ABHD17B: variants seen among roughly 807,000 people sequenced by gnomAD.
ABHD17B encodes the protein abhydrolase domain containing 17B, depalmitoylase.
In ABHD17B, 9 loss-of-function variants were observed where a neutral mutation model predicts 26.2. The observed-to-expected ratio is 0.34, with a 90% CI of 0.21 to 0.60. The LOEUF (loss-of-function observed/expected upper bound fraction) is 0.60. Among genes scored for constraint, ABHD17B ranks in the 20% least tolerant of loss-of-function variants. The probability of loss-of-function intolerance (pLI) is 0.80; values close to 1 mark genes in which losing one functional copy is unlikely to be tolerated. For synonymous variants in ABHD17B, 127 were observed against 122.3 expected, an observed-to-expected ratio of 1.04 and a Z score of -0.25; for missense variants, 224 against 352.1, an observed-to-expected ratio of 0.64 and a Z score of 2.91.
chr9:71,902,048 C>G (rs1175946919), intron 1 of ABHD17B, among the ~76,000 whole-genome samples: 2 of 152,156 alleles, frequency 1.3e-5, no homozygotes, highest in Non-Finnish European at 2.9e-5. Flanking sequence ...AAGAGAGGTT[C>G]TTTTCTGCTT....
At chr9:71,887,081 C>T (rs192110338) in intron 1 of ABHD17B, among the ~76,000 whole-genome samples, 2 of 151,696 alleles carry the variant, frequency 1.3e-5, no homozygotes, top group African/African-American at 2.4e-5. Context: ...ACTGAACAAA[C>T]GCCTTAATAA....
chr9:71,893,925 T>C (rs1421056992), intron 1 of ABHD17B, among the ~76,000 whole-genome samples: 1 of 151,642 alleles, frequency 6.6e-6, no homozygotes. Context: ...CTGTCTCTAA[T>C]AAAAATACAA....
chr9:71,893,549 A>G (rs890602012), intron 1 of ABHD17B, among the ~76,000 whole-genome samples: 3 of 152,242 alleles, frequency 2.0e-5, no homozygotes, highest in African/African-American at 7.2e-5. Context: ...CCATGTGCTC[A>G]GCCATCTGGA....
At chr9:71,908,921 C>T (rs1827363305) in intron 1 of ABHD17B, among the ~76,000 whole-genome samples, 1 of 152,144 alleles carries the variant, frequency 6.6e-6, no homozygotes, top group African/African-American at 2.4e-5. Flanking sequence ...TGTGGGATAG[C>T]GTGCCTGGAG....
chr9:71,867,977 T>G (rs944522246), intron 3 of ABHD17B, among the ~76,000 whole-genome samples: 6 of 146,958 alleles, frequency 4.1e-5, no homozygotes, highest in Non-Finnish European at 8.9e-5. Context: ...GAGGCCGTAG[T>G]GGGTGGATCA....
intron 1 of ABHD17B, among the ~76,000 whole-genome samples, chr9:71,885,811 GA>G (rs34883820): frequency 1.3e-5 from 2 of 151,800 alleles, no homozygotes; most frequent in Admixed American, 6.6e-5. Flanking sequence ...TTTACTAGGG[GA>G]AAAAAAATCT....
chr9:71,870,383 T>A, intron 2 of ABHD17B, 121 bp from the exon 3 acceptor site: 1 of 836,562 alleles, frequency 1.2e-6, no homozygotes, highest in Non-Finnish European at 1.7e-6. Flanking sequence ...TTTTTAAACT[T>A]AAGTTTCTTA....
At chr9:71,902,573 G>C (rs968794208) in intron 1 of ABHD17B, 1 of 152,174 alleles carries the variant, frequency 6.6e-6, no homozygotes, top group African/African-American at 2.4e-5. Flanking sequence ...ATTAATAAAA[G>C]TGACAATGAG....
intron 1 of ABHD17B, among the ~76,000 whole-genome samples, chr9:71,894,822 T>C (rs1332899936): frequency 6.6e-6 from 1 of 151,024 alleles, no homozygotes; most frequent in African/African-American, 2.4e-5. Context: ...CAAGAACACG[T>C]CTCCTAAAAA....
Position 71,874,777 on chromosome 9 carries a change from C to T in ABHD17B, c.304G>A (p.Val102Ile). 6.2e-7 allele frequency: 1 copy of T among 1,614,200 alleles called. No homozygotes were observed. The highest frequency in any genetic ancestry group is 8.5e-7 in the Non-Finnish European group (1 of 1,180,026). ...YTLLFSHGNA[V>I]DLGQMSSFYI... ...AAGCTGCTCATTTGACCAAGATCAACAGCATTTCCATGTGAGAAGAGTAAA... is the reference window on the plus strand; with the variant it reads ...AAGCTGCTCATTTGACCAAGATCAATAGCATTTCCATGTGAGAAGAGTAAA... Residue 102 changes from valine (V) to isoleucine (I), a missense_variant, in exon 2 of 4, where the codon GTT (valine) becomes ATT (isoleucine). Val to Ile is a conservative substitution (Grantham distance 29). Transcript: ENST00000333421.
chr9:71,900,652 CAAAAAA>C (rs35196879), intron 1 of ABHD17B, among the ~76,000 whole-genome samples: 1 of 69,418 alleles, frequency 1.4e-5, no homozygotes, highest in South Asian at 5.8e-4. Context: ...ACTCCATCTC[CAAAAAA>C]AAAAAAAAAA....
At chr9:71,892,966 A>G (rs948286246) in intron 1 of ABHD17B, among the ~76,000 whole-genome samples, 2 of 152,194 alleles carry the variant, frequency 1.3e-5, no homozygotes, top group African/African-American at 2.4e-5. Flanking sequence ...GCCTCTGGCA[A>G]CCACCATTTT....
In ABHD17B at chr9:71,903,187, C is replaced by CT. The variant is rs879863203; in HGVS notation, c.-4+7446dup. Among the ~76,000 whole-genome samples, 1,380 of 148,222 alleles carry CT rather than the reference C, an allele frequency of 9.3e-3. 20 individuals carry two copies. Among genetic ancestry groups the CT allele is most frequent in the African/African-American group, 0.031 (1,265 of 40,468 alleles). ...GTAAAGGCCTCTAACTATTGTCATC[C>CT]TTTTTTTTTTCACTGATAGATAATA... On this transcript the variant is annotated intron_variant, in intron 1 of 3. Coordinates refer to ENST00000333421, the MANE Select transcript of ABHD17B (RefSeq NM_001025780.3).
downstream of ABHD17B, chr9:71,862,670 C>CT: frequency 1.3e-6 from 1 of 758,598 alleles, no homozygotes; most frequent in Admixed American, 2.2e-5. Context: ...GTTTATGTGG[C>CT]TTTCCATAAC....
In ABHD17B at chr9:71,866,629, A is replaced by G; in HGVS notation, c.*158T>C. On this transcript the variant is annotated 3_prime_UTR_variant, in exon 4 of 4. Transcript: ENST00000333421. ...GTTATTTCCAGTTTTTAGTTCTGGT[A>G]ATTAAAACCTTCATTAAGTCTGTTA... The G allele has an allele frequency of 2.8e-6, 4 of 1,439,924 alleles. No individual in the cohort carries two copies. Among genetic ancestry groups the G allele is most frequent in the Non-Finnish European group, 3.6e-6 (4 of 1,102,246 alleles). 89.2% of individuals were successfully genotyped at this position (1,439,924 alleles called of 1,614,324 possible). A position where few individuals can be genotyped will look rare whatever the true frequency, so the allele number is the denominator to read the frequency against.
chr9:71,901,870 G>T (rs1827154198), intron 1 of ABHD17B, among the ~76,000 whole-genome samples: 1 of 152,160 alleles, frequency 6.6e-6, no homozygotes. Context: ...GCCACCAGGT[G>T]ATGTCACTTT....
chr9:71,908,649 G>A (rs1287790701), intron 1 of ABHD17B, among the ~76,000 whole-genome samples: 3 of 152,056 alleles, frequency 2.0e-5, no homozygotes, highest in African/African-American at 7.2e-5. Flanking sequence ...ATCTTAATAC[G>A]GAAGAAATTT....
chr9:71,888,167 G>A (rs536457574), intron 1 of ABHD17B, among the ~76,000 whole-genome samples: 1 of 152,368 alleles, frequency 6.6e-6, no homozygotes, highest in African/African-American at 2.4e-5. Context: ...TACTGATGGA[G>A]CAGTAAAATA....
chr9:71,864,134 T>C (rs1275564103), downstream of ABHD17B, among the ~76,000 whole-genome samples: 1 of 152,022 alleles, frequency 6.6e-6, no homozygotes, highest in Non-Finnish European at 1.5e-5. Flanking sequence ...CCTATTTGTT[T>C]CTAGGATAAA....
Sources: allele counts gnomAD v4.1 joint callset (sites outside exome capture counted in the v4.1 genomes callset), GRCh38; gene constraint gnomAD v4.1.1; transcripts MANE v1.5; gene names NCBI Gene and HGNC (gene_info 2026-07-23, HGNC 2026-07-21).